RUNX2: variants seen among roughly 807,000 people sequenced by gnomAD.
The protein encoded by RUNX2 is runt-related transcription factor 2.
In RUNX2, 10 loss-of-function variants were observed where a neutral mutation model predicts 51.7. That is an observed-to-expected ratio of 0.19 (90% confidence interval 0.12 to 0.33). The LOEUF is 0.33. Among genes scored for constraint, RUNX2 ranks in the 10% least tolerant of loss-of-function variants. The pLI is 1.00. For synonymous variants in RUNX2, 276 were observed against 273.6 expected (o/e 1.01, Z -0.09); for missense variants, 562 against 691.3 (o/e 0.81, Z 2.10).
chr6:45,470,246 T>A (rs1799759271), intron 5 of RUNX2, among the ~76,000 whole-genome samples: 1 of 152,232 alleles, frequency 6.6e-6, no homozygotes, highest in African/African-American at 2.4e-5. Context: ...GTAGAGACCA[T>A]GTAAAGTGAT....
At chr6:45,330,222 T>A (rs1787179441) in intron 2 of RUNX2, among the ~76,000 whole-genome samples, 1 of 151,944 alleles carries the variant, frequency 6.6e-6, no homozygotes, top group East Asian at 1.9e-4. Flanking sequence ...TTTAAAATTT[T>A]AATGATGGGT....
At chr6:45,445,461 C>T (rs1268317645) in intron 5 of RUNX2, among the ~76,000 whole-genome samples, 1 of 152,158 alleles carries the variant, frequency 6.6e-6, no homozygotes, top group Non-Finnish European at 1.5e-5. Flanking sequence ...CATTCACATT[C>T]TTGCAGTCTG....
chr6:45,489,406 A>T (rs988534889), intron 5 of RUNX2, among the ~76,000 whole-genome samples: 1 of 152,180 alleles, frequency 6.6e-6, no homozygotes, highest in Non-Finnish European at 1.5e-5. Flanking sequence ...AAATGTACTC[A>T]CACATGTACA....
At chr6:45,503,213 C>T (rs992129304) in intron 6 of RUNX2, among the ~76,000 whole-genome samples, 9 of 152,168 alleles carry the variant, frequency 5.9e-5, no homozygotes, top group African/African-American at 2.2e-4. Flanking sequence ...ATGCCTGTCT[C>T]TCCTACCCAA....
intron 2 of RUNX2, chr6:45,371,791 T>A: frequency 1.0e-6 from 1 of 975,138 alleles, no homozygotes; most frequent in Non-Finnish European, 1.2e-6. Context: ...CAGACAAACA[T>A]ATATGCAAAT....
chr6:45,424,011 C>T (rs73737411), intron 3 of RUNX2, among the ~76,000 whole-genome samples: 2,043 of 152,380 alleles, frequency 0.013, 46 homozygotes, highest in African/African-American at 0.047. Context: ...TTTTAAAGGA[C>T]TTAAATCTAA....
Position 45,547,451 on chromosome 6 carries a change from TCA to T in RUNX2, c.*147_*148del. 1 of 707,352 alleles carries T rather than the reference TCA, an allele frequency of 1.4e-6. No individual in the cohort carries two copies. Among genetic ancestry groups the T allele is most frequent in the Non-Finnish European group, 2.5e-6 (1 of 404,196 alleles). 43.8% of individuals were successfully genotyped at this position (707,352 alleles called of 1,614,324 possible). A position where few individuals can be genotyped will look rare whatever the true frequency, so the allele number is the denominator to read the frequency against. Reference sequence around the variant, plus strand: ...TTTAGAAGATTTTTCATTCACTCACTCAGTCATGATCTTGCAGCCATAAGAGG... The same window carrying T: ...TTTAGAAGATTTTTCATTCACTCACTGTCATGATCTTGCAGCCATAAGAGG... On this transcript the variant is annotated 3_prime_UTR_variant, in exon 9 of 9. Transcript: ENST00000647337.
At chr6:45,378,443 C>T (rs1797111973) in intron 2 of RUNX2, among the ~76,000 whole-genome samples, 1 of 152,196 alleles carries the variant, frequency 6.6e-6, no homozygotes, top group South Asian at 2.1e-4. Context: ...TCTGAACGCT[C>T]CCCGCAGGGC....
At chr6:45,544,781 G>T (rs1400840035) in intron 7 of RUNX2, among the ~76,000 whole-genome samples, 1 of 152,190 alleles carries the variant, frequency 6.6e-6, no homozygotes, top group Non-Finnish European at 1.5e-5. Context: ...GCCTCCATTT[G>T]GCCTCTGTAT....
At chr6:45,397,142 C>T (rs111750022) in intron 2 of RUNX2, among the ~76,000 whole-genome samples, 11,114 of 150,134 alleles carry the variant, frequency 0.074, 566 homozygotes, top group South Asian at 0.18. Context: ...CTCGCTCTGT[C>T]GCCCAGGCTG....
chr6:45,386,337 G>T (rs2150344756), intron 2 of RUNX2, among the ~76,000 whole-genome samples: 1 of 152,300 alleles, frequency 6.6e-6, no homozygotes, highest in East Asian at 1.9e-4. Flanking sequence ...AAAGTGCTGG[G>T]ATTACAAGCA....
chr6:45,515,166 T>C (rs1168613924), intron 7 of RUNX2, among the ~76,000 whole-genome samples: 1 of 152,158 alleles, frequency 6.6e-6, no homozygotes, highest in Admixed American at 6.5e-5. Flanking sequence ...AATTTTCATC[T>C]CCATATCTAA....
chr6:45,348,465 C>A (rs2396504), intron 2 of RUNX2, among the ~76,000 whole-genome samples: 2 of 145,980 alleles, frequency 1.4e-5, no homozygotes, highest in Admixed American at 6.9e-5. Context: ...TCTAGAGTTC[C>A]AGACCAGACT....
chr6:45,372,183 A>G (rs1315245045), intron 2 of RUNX2: 4 of 221,376 alleles, frequency 1.8e-5, no homozygotes, highest in African/African-American at 2.3e-5. Context: ...ACACTTACAC[A>G]TGACCTTGGG....
intron 2 of RUNX2, among the ~76,000 whole-genome samples, chr6:45,350,303 ATCT>A (rs1791758227): frequency 6.6e-6 from 1 of 152,212 alleles, no homozygotes; most frequent in African/African-American, 2.4e-5. Flanking sequence ...GTATATAATA[ATCT>A]TCTAGATTAA....
chr6:45,393,702 A>C (rs1048594853), intron 2 of RUNX2, among the ~76,000 whole-genome samples: 2 of 152,096 alleles, frequency 1.3e-5, no homozygotes, highest in Non-Finnish European at 2.9e-5. Flanking sequence ...TGCTGGGATT[A>C]CAGGTGTGAG....
rs1795592690 is a variant in RUNX2, at chr6:45,368,951, TA to T, written c.58+40170del. Among the ~76,000 whole-genome samples, 3 of 152,106 alleles carry T rather than the reference TA, an allele frequency of 2.0e-5. No homozygotes were observed. The South Asian group carries it at 6.2e-4, about 31-fold the overall frequency. ...AAAATAATCAGGTTACATCATGATC[TA>T]AATTTCTTCTGATGTGAAAAATAAT... is the stretch of plus-strand genomic sequence containing the variant. On this transcript the variant is annotated intron_variant, in intron 2 of 8. Coordinates refer to ENST00000647337, the MANE Select transcript of RUNX2 (RefSeq NM_001024630.4).
At chr6:45,485,697 G>GTGTGTATATATATATA (rs1219072282) in intron 5 of RUNX2, among the ~76,000 whole-genome samples, 10 of 104,070 alleles carry the variant, frequency 9.6e-5, no homozygotes, top group African/African-American at 3.8e-4. Flanking sequence ...GTGTGTGTGT[G>GTGTGTATATATATATA]TATATATATA....
intron 5 of RUNX2, among the ~76,000 whole-genome samples, chr6:45,463,262 T>G (rs566892805): frequency 2.0e-5 from 3 of 152,318 alleles, no homozygotes; most frequent in South Asian, 2.1e-4. Context: ...AAATAAAATC[T>G]TTCCATACAG....
Sources: allele counts gnomAD v4.1 joint callset (sites outside exome capture counted in the v4.1 genomes callset), GRCh38; gene constraint gnomAD v4.1.1; transcripts MANE v1.5; gene names NCBI Gene and HGNC (gene_info 2026-07-23, HGNC 2026-07-21).